PCDHGA9: variants seen among roughly 807,000 people sequenced by gnomAD.
PCDHGA9 encodes the protein protocadherin gamma subfamily A, 9.
In PCDHGA9, 37 loss-of-function variants were observed where a neutral mutation model predicts 62.5. The ratio of observed to expected loss-of-function variants is 0.59; its 90% CI spans 0.46 to 0.78. The LOEUF is 0.78. PCDHGA9 is among the 30% of genes least tolerant of loss of function. PCDHGA9 has a pLI of 0.00. For synonymous variants in PCDHGA9, 459 were observed against 484.6 expected (o/e 0.95, Z 0.69); for missense variants, 1,138 against 1,166.2 (o/e 0.98, Z 0.35).
At chr5:141,472,408 G>T (rs780468341) in intron 1 of PCDHGA9, among the ~76,000 whole-genome samples, 1 of 152,064 alleles carries the variant, frequency 6.6e-6, no homozygotes, top group Non-Finnish European at 1.5e-5. Flanking sequence ...AGGCGTGGTG[G>T]CACGCACCTG....
chr5:141,509,148 C>T (rs1345910772), intron 3 of PCDHGA9, among the ~76,000 whole-genome samples: 1 of 152,198 alleles, frequency 6.6e-6, no homozygotes, highest in Non-Finnish European at 1.5e-5. Context: ...CATCCCGGCT[C>T]TCCCCTCCCG....
chr5:141,498,625 T>C (rs1327552423), intron 2 of PCDHGA9, among the ~76,000 whole-genome samples: 1 of 152,176 alleles, frequency 6.6e-6, no homozygotes, highest in Non-Finnish European at 1.5e-5. Context: ...TGGGTCACAC[T>C]GCCTAGACAG....
chr5:141,454,097 C>T (rs1021353610), intron 1 of PCDHGA9, among the ~76,000 whole-genome samples: 10 of 152,292 alleles, frequency 6.6e-5, no homozygotes, highest in Middle Eastern at 3.4e-3. Flanking sequence ...TTGAATTGAA[C>T]ATAAATGGAG....
chr5:141,482,728 A>T (rs192207285), intron 1 of PCDHGA9, among the ~76,000 whole-genome samples: 97 of 128,396 alleles, frequency 7.6e-4, no homozygotes, highest in Admixed American at 3.3e-3. Context: ...GGGCCATTGC[A>T]AGAAATTCCA....
intron 1 of PCDHGA9, chr5:141,478,142 G>A: frequency 3.7e-6 from 6 of 1,613,988 alleles, no homozygotes; most frequent in Non-Finnish European, 4.2e-6. Flanking sequence ...AGCCCGAGCC[G>A]AGTTCCCCTC....
intron 1 of PCDHGA9, chr5:141,417,619 C>A: frequency 1.5e-6 from 1 of 656,120 alleles, no homozygotes; most frequent in South Asian, 2.4e-5. Flanking sequence ...CAGTGCAGAG[C>A]AAGCGCTGAC....
intron 1 of PCDHGA9, among the ~76,000 whole-genome samples, chr5:141,483,466 A>C (rs1212605130): frequency 6.6e-6 from 1 of 152,188 alleles, no homozygotes. Context: ...GTTGATTGAC[A>C]TGATATAGGA....
At position 141,472,488 on chromosome 5, in the gene PCDHGA9, C is replaced by T. The variant is rs183545662; in HGVS notation, c.2425-22319C>T. 4.0e-3 allele frequency among the ~76,000 whole-genome samples: 607 copies of T among 151,768 alleles called. 6 individuals carry two copies. The highest frequency in any genetic ancestry group is 0.011 in the Admixed American group (174 of 15,254). On this transcript the variant is annotated intron_variant, in intron 1 of 3. Coordinates refer to ENST00000573521, the MANE Select transcript of PCDHGA9 (RefSeq NM_018921.3). Reference sequence around the variant, plus strand: ...CCAGAAGGCAGAGCTTGCAGTGAGACGAGATCGTGCCACTGCACTCCAGCC... The same window carrying T: ...CCAGAAGGCAGAGCTTGCAGTGAGATGAGATCGTGCCACTGCACTCCAGCC...
In PCDHGA9 at chr5:141,487,608, G is replaced by T; in HGVS notation, c.2425-7199G>T. 1 of 1,614,182 alleles carries T rather than the reference G, an allele frequency of 6.2e-7. No individual in the cohort carries two copies. The highest frequency in any genetic ancestry group is 8.5e-7 in the Non-Finnish European group (1 of 1,180,042). On this transcript the variant is annotated intron_variant, in intron 1 of 3. Coordinates refer to ENST00000573521, the MANE Select transcript of PCDHGA9 (RefSeq NM_018921.3). The surrounding 1 kb of genome is among the most constrained non-coding windows in gnomAD (Gnocchi z 5.0). ...TGCCCACCCTCTGATCTTCTCTATG[G>T]GCTAGAGGTGAGACCTTTGCAGGCT...
chr5:141,423,628 A>G (rs1272272666), intron 1 of PCDHGA9: 2 of 1,604,848 alleles, frequency 1.2e-6, no homozygotes, highest in African/African-American at 1.3e-5. Context: ...CTCAGCTATC[A>G]TTTTAGGCAA....
At chr5:141,423,346 G>T in intron 1 of PCDHGA9, 1 of 1,614,214 alleles carries the variant, frequency 6.2e-7, no homozygotes, top group South Asian at 1.1e-5. Context: ...CATCTTCCTG[G>T]TCTTTGTCAT....
intron 1 of PCDHGA9, among the ~76,000 whole-genome samples, chr5:141,405,825 A>G (rs184785482): frequency 1.1e-3 from 172 of 152,272 alleles, no homozygotes; most frequent in Non-Finnish European, 1.9e-3. Context: ...TCTGTACTTA[A>G]GGTAGTATAA....
chr5:141,414,253 G>A (rs768166537), intron 1 of PCDHGA9: 1 of 1,613,492 alleles, frequency 6.2e-7, no homozygotes, highest in Non-Finnish European at 8.5e-7. Flanking sequence ...ATTTAGTCCA[G>A]TGACTGAAGA....
intron 1 of PCDHGA9, chr5:141,410,578 T>A (rs1432039651): frequency 6.2e-7 from 1 of 1,610,984 alleles, no homozygotes; most frequent in African/African-American, 1.3e-5. Context: ...TTCCACCTCA[T>A]GGTGGGGAGG....
chr5:141,433,555 G>C (rs1434189062), intron 1 of PCDHGA9, among the ~76,000 whole-genome samples: 1 of 152,088 alleles, frequency 6.6e-6, no homozygotes, highest in African/African-American at 2.4e-5. Flanking sequence ...TTCTTTTCTG[G>C]CTGGGCGCGG....
At chr5:141,428,070 T>G (rs756684090) in intron 1 of PCDHGA9, 7 of 1,609,106 alleles carry the variant, frequency 4.4e-6, no homozygotes, top group Non-Finnish European at 5.1e-6. Context: ...GGACGCAGAT[T>G]CGGGACACAA....
intron 1 of PCDHGA9, chr5:141,410,427 A>G (rs746046310): frequency 1.4e-5 from 22 of 1,613,832 alleles, no homozygotes; most frequent in East Asian, 1.1e-4. Flanking sequence ...GTTCCCCCCA[A>G]CTACAGTGAG....
intron 1 of PCDHGA9, among the ~76,000 whole-genome samples, chr5:141,456,379 C>A (rs181915740): frequency 1.3e-5 from 2 of 152,162 alleles, no homozygotes; most frequent in East Asian, 3.9e-4. Context: ...GTTTACAGCA[C>A]CGTTTGGAGT....
rs201458472 is a variant in PCDHGA9 at position 141,403,860 on chromosome 5, C to T, written c.908C>T (p.Thr303Ile). 1.5e-5 allele frequency: 25 copies of T among 1,613,382 alleles called. No individual in the cohort carries two copies. In the Admixed American group the frequency reaches 2.7e-4, roughly 17 times the overall value. Reference sequence around the variant, plus strand: ...AATGAAAATACTGGGGAAATATCAACAGCAAAAAGTCTAGATTATGAAGAA... The same window carrying T: ...AATGAAAATACTGGGGAAATATCAATAGCAAAAAGTCTAGATTATGAAGAA... ...QLNENTGEISTAKSLDYEECS... is the reference protein window; with the variant it reads ...QLNENTGEISIAKSLDYEECS... Residue 303 changes from threonine to isoleucine, a missense_variant, in exon 1 of 4, where the codon ACA becomes ATA. Physicochemically the swap from Thr to Ile is moderately conservative, Grantham distance 89 (BLOSUM62 -1). Coordinates refer to ENST00000573521, the MANE Select transcript of PCDHGA9 (RefSeq NM_018921.3).
Sources: allele counts gnomAD v4.1 joint callset (sites outside exome capture counted in the v4.1 genomes callset), GRCh38; gene constraint gnomAD v4.1.1; non-coding constraint Gnocchi (gnomAD v3.1); transcripts MANE v1.5; gene names NCBI Gene and HGNC (gene_info 2026-07-23, HGNC 2026-07-21).